PKNOX1: variants seen among roughly 807,000 people sequenced by gnomAD.
PKNOX1 encodes the protein PBX/knotted 1 homeobox 1.
PKNOX1 carries 15 observed loss-of-function variants against 51.9 expected under a neutral mutation model. The observed-to-expected ratio is 0.29, with a 90% CI of 0.19 to 0.45. PKNOX1 has a LOEUF of 0.45. Among genes scored for constraint, PKNOX1 ranks in the 20% least tolerant of loss-of-function variants. The pLI is 1.00. For missense variants in PKNOX1, 462 were observed against 547.5 expected, an observed-to-expected ratio of 0.84 and a Z score of 1.56; for synonymous variants, 219 against 211.1, an observed-to-expected ratio of 1.04 and a Z score of -0.32.
intron 1 of PKNOX1, among the ~76,000 whole-genome samples, chr21:42,990,229 A>G (rs1225622351): frequency 6.6e-6 from 1 of 152,130 alleles, no homozygotes; most frequent in Non-Finnish European, 1.5e-5. Flanking sequence ...ACTGCACTCC[A>G]GCCCGGGTGA....
At position 43,014,243 on chromosome 21, in the gene PKNOX1, G is replaced by C. The variant is rs191670937; in HGVS notation, c.522+1005G>C. 1.9e-4 allele frequency among the ~76,000 whole-genome samples: 29 copies of C among 152,064 alleles called. No homozygotes were observed. In the East Asian group the frequency reaches 4.1e-3, roughly 21 times the overall value. On this transcript the variant is annotated intron_variant, in intron 5 of 10. Transcript: ENST00000291547. Reference sequence around the variant, plus strand: ...TCACCGTATTAGCCAGGATGGTCTCGATCTCCTGACCTCGTGATCCGCCCG... The same window carrying C: ...TCACCGTATTAGCCAGGATGGTCTCCATCTCCTGACCTCGTGATCCGCCCG...
At chr21:42,991,837 A>G (rs926158675) in intron 1 of PKNOX1, among the ~76,000 whole-genome samples, 1 of 152,190 alleles carries the variant, frequency 6.6e-6, no homozygotes, top group African/African-American at 2.4e-5. Context: ...AGTTTTTAGT[A>G]TGTGAATTGT....
At position 43,021,518 on chromosome 21, in the gene PKNOX1, C is replaced by T; in HGVS notation, c.849+87C>T. 1 of 1,426,866 alleles carries T rather than the reference C, an allele frequency of 7.0e-7. No homozygotes were observed. Among genetic ancestry groups the T allele is most frequent in the Non-Finnish European group, 9.4e-7 (1 of 1,062,614 alleles). 88.4% of individuals were successfully genotyped at this position (1,426,866 alleles called of 1,614,324 possible). ...TGTGTCATGGAAAAGGGTTACTTCT[C>T]TGGGCTCAGAAAATCAAAGGCCTGA... On this transcript the variant is annotated intron_variant, in intron 8 of 10. Coordinates refer to ENST00000291547, the MANE Select transcript of PKNOX1 (RefSeq NM_004571.5). The surrounding 1 kb of genome is among the most constrained non-coding windows in gnomAD (Gnocchi z 4.6).
At position 43,032,859 on chromosome 21, in the gene PKNOX1, C is replaced by T. The variant is rs1299619508; in HGVS notation, c.*2758C>T. 1 of 152,202 alleles carries T rather than the reference C, an allele frequency of 6.6e-6. No homozygotes were observed. Among genetic ancestry groups the T allele is most frequent in the East Asian group, 1.9e-4 (1 of 5,198 alleles). 9.4% of individuals were successfully genotyped at this position (152,202 alleles called of 1,614,324 possible). A position where few individuals can be genotyped will look rare whatever the true frequency, so the allele number is the denominator to read the frequency against. ...CTCTGCAATGGGTGCTTTTAACTAG[C>T]TTCTACATGGCAAGCTGTTTCAGTT... On this transcript the variant is annotated 3_prime_UTR_variant, in exon 11 of 11. Coordinates refer to ENST00000291547, the MANE Select transcript of PKNOX1 (RefSeq NM_004571.5).
intron 5 of PKNOX1, among the ~76,000 whole-genome samples, chr21:43,015,277 T>C (rs956655881): frequency 1.3e-5 from 2 of 152,272 alleles, no homozygotes; most frequent in Non-Finnish European, 2.9e-5. Flanking sequence ...ATTGCTTTTT[T>C]TCTGAGAGAT....
rs74479271 is a variant in PKNOX1, at chr21:43,013,890, T to C, written c.522+652T>C. Among the ~76,000 whole-genome samples, 687 of 152,332 alleles carry C rather than the reference T, an allele frequency of 4.5e-3. 3 individuals carry two copies. Among genetic ancestry groups the C allele is most frequent in the African/African-American group, 0.016 (651 of 41,580 alleles). On this transcript the variant is annotated intron_variant, in intron 5 of 10. Coordinates refer to ENST00000291547, the MANE Select transcript of PKNOX1 (RefSeq NM_004571.5). ...CACTATTGTGTTTTAGCCATTCTGA[T>C]GATATGTAGTGATATTAATATTTCT...
At chr21:43,018,822 G>C (rs1290522953) in intron 7 of PKNOX1, among the ~76,000 whole-genome samples, 1 of 152,016 alleles carries the variant, frequency 6.6e-6, no homozygotes, top group Non-Finnish European at 1.5e-5. Flanking sequence ...GGCCGGGCAC[G>C]GTGACGTCTG....
At position 43,003,102 on chromosome 21, in the gene PKNOX1, C is replaced by G. The variant is rs373109592; in HGVS notation, c.-56-1224C>G. On this transcript the variant is annotated intron_variant, in intron 1 of 10. Transcript: ENST00000291547. ...GGACAGGATTTCTTTCCATTTAACA[C>G]TGTCTCCTAAAGTGCTGCTTTCCTT... 5.3e-5 allele frequency among the ~76,000 whole-genome samples: 8 copies of G among 152,342 alleles called. No homozygotes were observed. The South Asian group carries it at 6.2e-4, about 12-fold the overall frequency.
At chr21:42,974,884 G>A (rs1448087589) in intron 1 of PKNOX1, among the ~76,000 whole-genome samples, 3 of 147,774 alleles carry the variant, frequency 2.0e-5, no homozygotes, top group Non-Finnish European at 3.0e-5. Flanking sequence ...CGCGGGGGAG[G>A]GGGCGCCTTC....
chr21:42,983,124 T>G (rs1273061356), intron 1 of PKNOX1, among the ~76,000 whole-genome samples: 1 of 152,198 alleles, frequency 6.6e-6, no homozygotes, highest in Non-Finnish European at 1.5e-5. Flanking sequence ...TTTTCCAATT[T>G]TTTGTTATGG....
At chr21:42,993,975 C>T (rs1978366201) in intron 1 of PKNOX1, among the ~76,000 whole-genome samples, 1 of 150,330 alleles carries the variant, frequency 6.7e-6, no homozygotes. Context: ...TCAGGTGATC[C>T]ACTGGCTCAG....
chr21:42,993,347 G>A (rs35879780), intron 1 of PKNOX1, among the ~76,000 whole-genome samples: 16,575 of 152,088 alleles, frequency 0.11, 1,278 homozygotes, highest in Non-Finnish European at 0.16. Context: ...CAGGACTCGC[G>A]GGCCGAGCTT....
chr21:42,996,904 T>TA (rs398121673), intron 1 of PKNOX1, among the ~76,000 whole-genome samples: 7 of 151,432 alleles, frequency 4.6e-5, no homozygotes, highest in African/African-American at 1.5e-4. Flanking sequence ...TTTTTTTTTT[T>TA]AATAGAGTCT....
chr21:43,000,964 TC>T lies in PKNOX1; in HGVS notation c.-56-3360del, dbSNP rs1413084657. On this transcript the variant is annotated intron_variant, in intron 1 of 10. Transcript: ENST00000291547. Reference sequence around the variant, plus strand: ...AGGCTCATACAACCAGGTAGGAGCCTCCTACCACCATTGAGGTGTGAGGTGA... The same window carrying T: ...AGGCTCATACAACCAGGTAGGAGCCTCTACCACCATTGAGGTGTGAGGTGA... 1.1e-4 allele frequency among the ~76,000 whole-genome samples: 17 copies of T among 152,262 alleles called. No homozygotes were observed. In the East Asian group the frequency reaches 2.9e-3, roughly 26 times the overall value.
intron 1 of PKNOX1, among the ~76,000 whole-genome samples, chr21:42,983,017 C>T (rs958245854): frequency 1.3e-5 from 2 of 152,080 alleles, no homozygotes; most frequent in Non-Finnish European, 1.5e-5. Flanking sequence ...ACCATGTTGG[C>T]CAGGCTGGTC....
intron 8 of PKNOX1, among the ~76,000 whole-genome samples, chr21:43,024,007 T>C (rs527926275): frequency 1.9e-4 from 29 of 152,146 alleles, no homozygotes; most frequent in Admixed American, 1.5e-3. Flanking sequence ...GTGCTGAGAT[T>C]ACAGGCGTGA....
chr21:42,981,259 G>T (rs1372350451), intron 1 of PKNOX1, among the ~76,000 whole-genome samples: 1 of 152,252 alleles, frequency 6.6e-6, no homozygotes, highest in African/African-American at 2.4e-5. Flanking sequence ...GTCCTTGGTG[G>T]AAAGAGCCAG....
chr21:43,000,362 T>C (rs1978695094), intron 1 of PKNOX1, among the ~76,000 whole-genome samples: 1 of 152,200 alleles, frequency 6.6e-6, no homozygotes, highest in Non-Finnish European at 1.5e-5. Context: ...TCCACATGGC[T>C]GGGGAAGCCT....
At chr21:43,009,999 A>G in intron 3 of PKNOX1, 54 bp from the exon 4 acceptor site, 2 of 1,194,510 alleles carry the variant, frequency 1.7e-6, no homozygotes, top group Non-Finnish European at 2.3e-6. Context: ...ACGCAAAGAC[A>G]TTCTCACGGA....
Sources: gnomAD v4.1 joint callset for allele counts (sites outside exome capture counted in the v4.1 genomes callset) on GRCh38, gnomAD v4.1.1 for gene constraint, Gnocchi (gnomAD v3.1) non-coding constraint, MANE v1.5 for transcripts, NCBI Gene and HGNC (gene_info 2026-07-23, HGNC 2026-07-21) for gene names.